The following ABCA13 variants were observed in gnomAD, a reference collection of about 807,000 sequenced individuals.
The protein encoded by ABCA13 is ATP-binding cassette sub-family A member 13.
Under a neutral mutation model 478.7 loss-of-function variants are expected in ABCA13, and 476 were observed. The observed-to-expected ratio is 0.99, with a 90% CI of 0.92 to 1.07. The LOEUF is 1.07. Ranked by LOEUF, ABCA13 falls within the 50% of genes least tolerant of loss-of-function variation. The pLI is 0.00. For synonymous variants in ABCA13, 2,252 were observed against 2,158.9 expected, an observed-to-expected ratio of 1.04 and a Z score of -1.20; for missense variants, 6,060 against 5,910.6, an observed-to-expected ratio of 1.03 and a Z score of -0.83.
intron 14 of ABCA13, 81 bp downstream of exon 14, chr7:48,248,525 G>T: frequency 8.9e-7 from 1 of 1,121,698 alleles, no homozygotes; most frequent in East Asian, 2.4e-5. Flanking sequence ...ACAAATGATA[G>T]ATCAATATGG....
chr7:48,514,998 A>G (rs1832000059), intron 51 of ABCA13, among the ~76,000 whole-genome samples: 1 of 152,162 alleles, frequency 6.6e-6, no homozygotes, highest in South Asian at 2.1e-4. Flanking sequence ...ATGAGAATGT[A>G]TCTTTTAACC....
At chr7:48,219,202 G>A (rs1193666451) in intron 3 of ABCA13, among the ~76,000 whole-genome samples, 152 bp from the exon 4 acceptor site, 1 of 152,100 alleles carries the variant, frequency 6.6e-6, no homozygotes, top group Non-Finnish European at 1.5e-5. Flanking sequence ...TTTGGATGAG[G>A]GTCAGGTGAA....
chr7:48,422,662 T>G (rs1820924536), intron 41 of ABCA13, among the ~76,000 whole-genome samples: 1 of 152,180 alleles, frequency 6.6e-6, no homozygotes, highest in South Asian at 2.1e-4. Flanking sequence ...AAAGGTGTGT[T>G]GATGGTGTGA....
intron 59 of ABCA13, chr7:48,626,724 A>G (rs769524088): frequency 1.0e-6 from 1 of 985,508 alleles, no homozygotes; most frequent in Non-Finnish European, 1.2e-6. Context: ...TGAGCTTGAG[A>G]AAAGGAGGTG....
intron 42 of ABCA13, among the ~76,000 whole-genome samples, chr7:48,440,078 A>C (rs1280814582): frequency 6.6e-6 from 1 of 152,140 alleles, no homozygotes; most frequent in African/African-American, 2.4e-5. Context: ...TTTACATATA[A>C]ATTACATATT....
At chr7:48,610,127 A>G (rs527279342) in intron 58 of ABCA13, among the ~76,000 whole-genome samples, 1 of 152,316 alleles carries the variant, frequency 6.6e-6, no homozygotes, top group East Asian at 1.9e-4. Flanking sequence ...GCCCTTCTGC[A>G]TGAGCCTGTA....
At chr7:48,633,397 T>A (rs183880687) in intron 59 of ABCA13, among the ~76,000 whole-genome samples, 78 of 152,232 alleles carry the variant, frequency 5.1e-4, no homozygotes, top group African/African-American at 1.8e-3. Flanking sequence ...AATTCTAGAC[T>A]TAACTTTGAC....
At chr7:48,307,987 C>A (rs7784027) in intron 23 of ABCA13, among the ~76,000 whole-genome samples, 112,754 of 152,168 alleles carry the variant, frequency 0.74, 42,614 homozygotes, top group East Asian at 0.99. Context: ...CCCTGCCGAA[C>A]CTTTAAAATT....
At chr7:48,404,221 C>A (rs1305981442) in intron 39 of ABCA13, 2 of 316,842 alleles carry the variant, frequency 6.3e-6, no homozygotes, top group Non-Finnish European at 1.3e-5. Flanking sequence ...CCTCCCTTGT[C>A]TCAGATGAAG....
At chr7:48,280,418 TC>T (rs1213056530) in intron 18 of ABCA13, among the ~76,000 whole-genome samples, 3 of 152,178 alleles carry the variant, frequency 2.0e-5, no homozygotes, top group Non-Finnish European at 4.4e-5. Context: ...CTCCAAGCCC[TC>T]CTATCGCTGA....
At chr7:48,221,907 C>T (rs933571944) in intron 5 of ABCA13, among the ~76,000 whole-genome samples, 35 of 152,194 alleles carry the variant, frequency 2.3e-4, no homozygotes, top group African/African-American at 8.2e-4. Context: ...AGTTAAGGTG[C>T]AACCCTGACA....
intron 59 of ABCA13, among the ~76,000 whole-genome samples, chr7:48,629,847 A>G (rs1000132778): frequency 6.6e-6 from 1 of 151,950 alleles, no homozygotes; most frequent in African/African-American, 2.4e-5. Flanking sequence ...AGCCCAAAGT[A>G]AAAGGGTAGG....
intron 47 of ABCA13, among the ~76,000 whole-genome samples, 155 bp downstream of exon 47, chr7:48,483,318 G>GA (rs906189160): frequency 9.2e-5 from 14 of 151,616 alleles, no homozygotes; most frequent in Admixed American, 1.3e-4. Flanking sequence ...ACATTGTCTT[G>GA]AAAAAAAATG....
At chr7:48,309,048 C>T (rs1801348108) in intron 23 of ABCA13, among the ~76,000 whole-genome samples, 1 of 150,356 alleles carries the variant, frequency 6.7e-6, no homozygotes, top group Non-Finnish European at 1.5e-5. Context: ...CACACACACA[C>T]ACACACACAC....
At chr7:48,244,157 C>T (rs1526099) in intron 10 of ABCA13, among the ~76,000 whole-genome samples, 1 of 152,032 alleles carries the variant, frequency 6.6e-6, no homozygotes, top group African/African-American at 2.4e-5. Flanking sequence ...CCAATTGGCT[C>T]AAGTTGGGAC....
intron 39 of ABCA13, among the ~76,000 whole-genome samples, chr7:48,407,565 C>CT (rs898491060): frequency 5.3e-5 from 8 of 150,620 alleles, no homozygotes; most frequent in South Asian, 2.1e-4. Flanking sequence ...AGTATAACAA[C>CT]TTTTTTTTTG....
At chr7:48,475,685 C>T (rs558542654) in intron 45 of ABCA13, among the ~76,000 whole-genome samples, 10 of 152,044 alleles carry the variant, frequency 6.6e-5, no homozygotes, top group South Asian at 2.1e-4. Flanking sequence ...AGGCTGGTCT[C>T]GAACTCCTGA....
At chr7:48,624,149 T>C (rs575588823) in intron 59 of ABCA13, among the ~76,000 whole-genome samples, 1 of 151,492 alleles carries the variant, frequency 6.6e-6, no homozygotes, top group Admixed American at 6.6e-5. Context: ...ACTCACCTAA[T>C]AGCCACAGGT....
intron 43 of ABCA13, among the ~76,000 whole-genome samples, chr7:48,465,392 T>C (rs1826759071): frequency 6.6e-6 from 1 of 152,232 alleles, no homozygotes; most frequent in African/African-American, 2.4e-5. Flanking sequence ...ACCTCAGACC[T>C]TTCTACATTT....
Sources: allele counts gnomAD v4.1 joint callset (sites outside exome capture counted in the v4.1 genomes callset), GRCh38; gene constraint gnomAD v4.1.1; transcripts MANE v1.5; gene names NCBI Gene and HGNC (gene_info 2026-07-23, HGNC 2026-07-21).